The following SLC25A17 variants were observed in gnomAD, a reference collection of about 807,000 sequenced individuals.
The protein encoded by SLC25A17 is peroxisomal membrane protein PMP34.
A neutral mutation model predicts 38.5 loss-of-function variants in SLC25A17; 26 were observed. The observed-to-expected ratio is 0.68, with a 90% CI of 0.50 to 0.94. The LOEUF is 0.94. SLC25A17 is among the 40% of genes least tolerant of loss of function. The pLI, the probability that SLC25A17 is intolerant of heterozygous loss-of-function variation, is 0.00. For missense variants in SLC25A17, 333 were observed against 372.7 expected, an observed-to-expected ratio of 0.89 and a Z score of 0.88; for synonymous variants, 139 against 136.2, an observed-to-expected ratio of 1.02 and a Z score of -0.14.
intron 1 of SLC25A17, among the ~76,000 whole-genome samples, chr22:40,812,633 C>T (rs775903696): frequency 1.3e-5 from 2 of 152,086 alleles, no homozygotes; most frequent in African/African-American, 2.4e-5. Context: ...AGAGGGGTCC[C>T]GACGTGGCTG....
chr22:40,806,930 T>C (rs1190690258), intron 1 of SLC25A17, among the ~76,000 whole-genome samples: 2 of 152,164 alleles, frequency 1.3e-5, no homozygotes, highest in African/African-American at 4.8e-5. Flanking sequence ...CATTGTATAC[T>C]ACAGCCTTGA....
At chr22:40,804,608 T>G (rs1404954196) in intron 1 of SLC25A17, among the ~76,000 whole-genome samples, 1 of 152,242 alleles carries the variant, frequency 6.6e-6, no homozygotes, top group Non-Finnish European at 1.5e-5. Context: ...GTGAGTTGCT[T>G]GTATATTCTG....
At chr22:40,819,055 C>T (rs2145720727) in intron 1 of SLC25A17, 140 bp downstream of exon 1, 1 of 871,860 alleles carries the variant, frequency 1.1e-6, no homozygotes, top group Non-Finnish European at 1.8e-6. Flanking sequence ...ATGGCCCATT[C>T]CTCTCTGCCC....
chr22:40,801,670 G>A lies in SLC25A17; in HGVS notation c.55-2587C>T, dbSNP rs115377331. 3.4e-3 allele frequency among the ~76,000 whole-genome samples: 523 copies of A among 152,278 alleles called. 2 individuals carry two copies. Among genetic ancestry groups the A allele is most frequent in the African/African-American group, 0.012 (510 of 41,546 alleles). On this transcript the variant is annotated intron_variant, in intron 1 of 8. Coordinates refer to ENST00000435456, the MANE Select transcript of SLC25A17 (RefSeq NM_006358.4). ...CAAATCCTACAAATCCATGCATCCA[G>A]CATCCTTGCTCATCTTCAGGAGGCA...
At chr22:40,778,890 C>T (rs2057270245) in intron 5 of SLC25A17, 119 bp downstream of exon 5, 2 of 807,782 alleles carry the variant, frequency 2.5e-6, no homozygotes, top group African/African-American at 3.5e-5. Flanking sequence ...GAAAAAAAAT[C>T]AAACAAACCC....
chr22:40,813,579 C>G (rs2057604745), intron 1 of SLC25A17, among the ~76,000 whole-genome samples: 1 of 151,006 alleles, frequency 6.6e-6, no homozygotes, highest in Non-Finnish European at 1.5e-5. Context: ...AAAAGATTAG[C>G]CGGGTGTGGT....
Position 40,819,229 on chromosome 22 carries a change from T to A in SLC25A17, c.20A>T (p.Tyr7Phe). ...GGCCACGGCGTGGACCAGGCTTTCG[T>A]AGGACAGCACGGAAGCCATTGGTGC... MASVLS[Y>F]ESLVHAVAGA... The change falls in exon 1 of 9, where the codon TAC becomes TTC. Residue 7 changes from tyrosine to phenylalanine, a missense_variant. Transcript: ENST00000435456. 1 of 1,613,530 alleles carries A rather than the reference T, an allele frequency of 6.2e-7. No individual in the cohort carries two copies. Among genetic ancestry groups the A allele is most frequent in the Non-Finnish European group, 8.5e-7 (1 of 1,179,978 alleles).
chr22:40,781,870 C>T lies in SLC25A17; in HGVS notation c.335-2745G>A, dbSNP rs553239147. On this transcript the variant is annotated intron_variant, in intron 4 of 8. Transcript: ENST00000435456. ...CATTCGTGAGTACCAATTCCAACTC[C>T]TGACAGGCCCAAAGGATAAAGAAAA... Among the ~76,000 whole-genome samples the T allele has an allele frequency of 3.3e-5, 5 of 152,190 alleles. No individual in the cohort carries two copies. The South Asian group carries it at 1.0e-3, about 32-fold the overall frequency.
intron 5 of SLC25A17, 34 bp from the exon 6 acceptor site, chr22:40,777,407 G>A (rs1395706243): frequency 3.1e-6 from 5 of 1,597,984 alleles, no homozygotes; most frequent in South Asian, 1.1e-5. Context: ...TGAAAAGCAT[G>A]ATCACAATCC....
chr22:40,810,409 G>A (rs1020301572), intron 1 of SLC25A17, among the ~76,000 whole-genome samples: 31 of 149,190 alleles, frequency 2.1e-4, no homozygotes, highest in African/African-American at 6.0e-4. Context: ...GTGCAATGGC[G>A]TAATCTCAGC....
chr22:40,811,458 C>A (rs556839722), intron 1 of SLC25A17, among the ~76,000 whole-genome samples: 66 of 151,294 alleles, frequency 4.4e-4, no homozygotes, highest in African/African-American at 1.5e-3. Context: ...GAGACAGGGT[C>A]TCATTCTGTC....
chr22:40,770,821 A>T lies in SLC25A17; in HGVS notation c.*13T>A, dbSNP rs763923899. On this transcript the variant is annotated 3_prime_UTR_variant, in exon 9 of 9. Coordinates refer to ENST00000435456, the MANE Select transcript of SLC25A17 (RefSeq NM_006358.4). ...CTCTTGAGCATCTTCGGAATTTTTCATGGGAAGGCGTCTCAGTGTTGGTGT... is the reference window on the plus strand; with the variant it reads ...CTCTTGAGCATCTTCGGAATTTTTCTTGGGAAGGCGTCTCAGTGTTGGTGT... 6.3e-7 allele frequency: 1 copy of T among 1,586,648 alleles called. No homozygotes were observed.
chr22:40,779,534 T>C, intron 4 of SLC25A17: 1 of 342,544 alleles, frequency 2.9e-6, no homozygotes, highest in Non-Finnish European at 5.4e-6. Flanking sequence ...ACACACAATT[T>C]ACAACTCTTA....
In SLC25A17 at chr22:40,818,684, C is replaced by T. The variant is rs1186186632; in HGVS notation, c.54+511G>A. The stretch of plus-strand genomic sequence containing the variant: ...TCGCGCCACTGCACTCCAGCTTGGG[C>T]AACAGAGCAAGACCCTGTCCGGAAA... On this transcript the variant is annotated intron_variant, in intron 1 of 8. Transcript: ENST00000435456. Among the ~76,000 whole-genome samples the T allele has an allele frequency of 2.2e-5, 3 of 136,476 alleles. No individual in the cohort carries two copies. The East Asian group carries it at 6.4e-4, about 29-fold the overall frequency. The allele number at this position is 136,476 out of a possible 152,430, so 89.5% of individuals were successfully genotyped here. A position where few individuals can be genotyped will look rare whatever the true frequency, so the allele number is the denominator to read the frequency against.
At chr22:40,809,319 C>T (rs1720960239) in intron 1 of SLC25A17, among the ~76,000 whole-genome samples, 1 of 151,762 alleles carries the variant, frequency 6.6e-6, no homozygotes, top group Admixed American at 6.6e-5. Flanking sequence ...ACATAGACCA[C>T]ATCTCTTTAA....
intron 4 of SLC25A17, among the ~76,000 whole-genome samples, chr22:40,787,964 G>A (rs1006356317): frequency 3.3e-5 from 5 of 151,966 alleles, no homozygotes; most frequent in Admixed American, 1.3e-4. Flanking sequence ...CTATGTTGCC[G>A]AGATTGGTCT....
chr22:40,797,885 C>G (rs1411973658), intron 2 of SLC25A17, among the ~76,000 whole-genome samples: 1 of 152,200 alleles, frequency 6.6e-6, no homozygotes, highest in Non-Finnish European at 1.5e-5. Context: ...GCTGTGGCCA[C>G]AAGGACATCT....
intron 8 of SLC25A17, among the ~76,000 whole-genome samples, chr22:40,771,719 T>C (rs1307517161): frequency 6.6e-6 from 1 of 151,584 alleles, no homozygotes; most frequent in African/African-American, 2.4e-5. Context: ...CTGGGAAGAG[T>C]AGTGGCGGGG....
intron 2 of SLC25A17, among the ~76,000 whole-genome samples, chr22:40,795,945 G>A (rs146451269): frequency 0.03 from 4,487 of 152,066 alleles, 217 homozygotes; most frequent in African/African-American, 0.1. Context: ...CTGCCACCAT[G>A]CCCAGCTAAT....
Sources: gnomAD v4.1 joint callset for allele counts (sites outside exome capture counted in the v4.1 genomes callset) on GRCh38, gnomAD v4.1.1 for gene constraint, MANE v1.5 for transcripts, NCBI Gene and HGNC (gene_info 2026-07-23, HGNC 2026-07-21) for gene names.